The following OSBPL8 variants were observed in gnomAD, a reference collection of about 807,000 sequenced individuals.
OSBPL8 encodes the protein oxysterol-binding protein-related protein 8.
A neutral mutation model predicts 125.5 loss-of-function variants in OSBPL8; 59 were observed. That is an observed-to-expected ratio of 0.47 (90% confidence interval 0.38 to 0.58). OSBPL8 has a LOEUF of 0.58. Ranked by LOEUF, OSBPL8 falls within the 20% of genes least tolerant of loss-of-function variation. OSBPL8 has a pLI of 0.00. For missense variants in OSBPL8, 758 were observed against 1,047.8 expected, an observed-to-expected ratio of 0.72 and a Z score of 3.82; for synonymous variants, 330 against 338.9, an observed-to-expected ratio of 0.97 and a Z score of 0.29.
chr12:76,551,168 C>A (rs950397608), intron 1 of OSBPL8, among the ~76,000 whole-genome samples: 1 of 152,144 alleles, frequency 6.6e-6, no homozygotes, highest in African/African-American at 2.4e-5. Context: ...ATTGGATATA[C>A]AGAAATGAAC....
intron 1 of OSBPL8, among the ~76,000 whole-genome samples, chr12:76,516,878 A>G (rs1460679460): frequency 6.7e-6 from 1 of 149,006 alleles, no homozygotes; most frequent in Non-Finnish European, 1.5e-5. Context: ...GCAGTGGCGC[A>G]GTATCGGCTC....
intron 2 of OSBPL8, among the ~76,000 whole-genome samples, chr12:76,464,971 C>G (rs901894361): frequency 6.6e-6 from 1 of 152,096 alleles, no homozygotes; most frequent in Non-Finnish European, 1.5e-5. Flanking sequence ...TCAGAGAGAG[C>G]TATATAGTGC....
At position 76,459,851 on chromosome 12, in the gene OSBPL8, C is replaced by T; in HGVS notation, c.79+8G>A. 1 of 1,613,754 alleles carries T rather than the reference C, an allele frequency of 6.2e-7. No homozygotes were observed. On this transcript the variant is annotated splice_region_variant and intron_variant, in intron 3 of 23. Transcript: ENST00000261183. ...CCCAAACATGCCGTTCAAGCTTCAGCTACTTACTTGATGGCCCAAGGACAT... is the reference window on the plus strand; with the variant it reads ...CCCAAACATGCCGTTCAAGCTTCAGTTACTTACTTGATGGCCCAAGGACAT...
chr12:76,555,132 CAG>C (rs943904419), intron 1 of OSBPL8, among the ~76,000 whole-genome samples: 7 of 152,144 alleles, frequency 4.6e-5, no homozygotes, highest in Non-Finnish European at 4.4e-5. Flanking sequence ...TCACTAAAAA[CAG>C]AAAATATTTT....
intron 1 of OSBPL8, among the ~76,000 whole-genome samples, chr12:76,502,459 T>C (rs1399302365): frequency 1.3e-5 from 2 of 152,124 alleles, no homozygotes; most frequent in East Asian, 3.9e-4. Flanking sequence ...AGAAGGGGGT[T>C]TACTAGGCTG....
rs140985869 is a variant in OSBPL8 at position 76,527,046 on chromosome 12, G to A, written c.-68+32351C>T. On this transcript the variant is annotated intron_variant, in intron 1 of 23. Coordinates refer to ENST00000261183, the MANE Select transcript of OSBPL8 (RefSeq NM_020841.5). ...AGTTTCCTCATAAGTAAAATTATGA[G>A]GCTAAAATGTCAATTACTGACACTC... Among the ~76,000 whole-genome samples, 805 of 152,032 alleles carry A rather than the reference G, an allele frequency of 5.3e-3. 7 individuals are homozygous for A. The highest frequency in any genetic ancestry group is 0.019 in the African/African-American group (776 of 41,448).
intron 4 of OSBPL8, among the ~76,000 whole-genome samples, chr12:76,420,697 T>C (rs1250561292): frequency 6.6e-6 from 1 of 152,018 alleles, no homozygotes; most frequent in Non-Finnish European, 1.5e-5. Context: ...TAAAAGCAAA[T>C]GCATCTAAAA....
Position 76,450,878 on chromosome 12 carries a change from G to C in OSBPL8, c.190C>G (p.Leu64Val), listed in dbSNP as rs758356423. Residue 64 changes from leucine (L) to valine (V), a missense_variant, in exon 4 of 24, where the codon CTT becomes GTT. Coordinates refer to ENST00000261183, the MANE Select transcript of OSBPL8 (RefSeq NM_020841.5). The stretch of plus-strand genomic sequence containing the variant: ...TGGCTATGAGGACTTGCTGGACTAA[G>C]AGATGGCTGATGCAAATCTTTGGTT... ...TPTKDLHQPS[L>V]SPASPHSQGF... 10 of 1,613,236 alleles carry C rather than the reference G, an allele frequency of 6.2e-6. No individual in the cohort carries two copies. In the East Asian group the frequency reaches 2.2e-4, roughly 36 times the overall value.
At chr12:76,540,999 T>C (rs1950627477) in intron 1 of OSBPL8, among the ~76,000 whole-genome samples, 1 of 152,064 alleles carries the variant, frequency 6.6e-6, no homozygotes, top group Non-Finnish European at 1.5e-5. Context: ...AGCTAGCAAA[T>C]AATCTCAGGG....
chr12:76,553,514 A>AC (rs1181788526), intron 1 of OSBPL8, among the ~76,000 whole-genome samples: 1 of 151,268 alleles, frequency 6.6e-6, no homozygotes, highest in Non-Finnish European at 1.5e-5. Context: ...AAAAAAAAAA[A>AC]ACTTAAAAAT....
chr12:76,366,971 A>G (rs987301238), intron 21 of OSBPL8, among the ~76,000 whole-genome samples: 1 of 152,140 alleles, frequency 6.6e-6, no homozygotes, highest in Non-Finnish European at 1.5e-5. Flanking sequence ...CATATGGTCT[A>G]TCCTGGAGAA....
intron 19 of OSBPL8, among the ~76,000 whole-genome samples, chr12:76,371,011 C>T (rs1262863490): frequency 6.6e-6 from 1 of 152,048 alleles, no homozygotes; most frequent in Non-Finnish European, 1.5e-5. Flanking sequence ...ACTAATAAAT[C>T]CTATAGAAGC....
At chr12:76,385,130 C>T (rs186525178) in intron 14 of OSBPL8, among the ~76,000 whole-genome samples, 5 of 152,264 alleles carry the variant, frequency 3.3e-5, no homozygotes, top group Admixed American at 1.3e-4. Flanking sequence ...GCATTTCAAG[C>T]TTCTTAATTT....
intron 4 of OSBPL8, among the ~76,000 whole-genome samples, chr12:76,416,341 T>C (rs1483299637): frequency 1.3e-5 from 2 of 152,122 alleles, no homozygotes; most frequent in Admixed American, 1.3e-4. Context: ...ATGAGCAATT[T>C]TTATAAATAT....
intron 21 of OSBPL8, among the ~76,000 whole-genome samples, chr12:76,359,746 C>T (rs1952125691): frequency 6.6e-6 from 1 of 152,186 alleles, no homozygotes; most frequent in South Asian, 2.1e-4. Flanking sequence ...AAGTGGAAAC[C>T]TCTGATAAAA....
intron 2 of OSBPL8, among the ~76,000 whole-genome samples, chr12:76,467,815 TA>T (rs1280397424): frequency 6.6e-6 from 1 of 152,040 alleles, no homozygotes; most frequent in Admixed American, 6.6e-5. Context: ...AAAAACATGA[TA>T]AAAACATAGT....
At chr12:76,471,297 C>A (rs980656742) in intron 2 of OSBPL8, among the ~76,000 whole-genome samples, 1 of 152,258 alleles carries the variant, frequency 6.6e-6, no homozygotes, top group South Asian at 2.1e-4. Flanking sequence ...TGTCCAAAAC[C>A]GACTTCATCT....
intron 17 of OSBPL8, among the ~76,000 whole-genome samples, chr12:76,374,857 C>T (rs1443349837): frequency 6.6e-6 from 1 of 152,106 alleles, no homozygotes; most frequent in Non-Finnish European, 1.5e-5. Flanking sequence ...TTTAGAGTAA[C>T]TTATTACACA....
At chr12:76,482,959 T>A (rs1385792549) in intron 2 of OSBPL8, among the ~76,000 whole-genome samples, 1 of 151,970 alleles carries the variant, frequency 6.6e-6, no homozygotes, top group African/African-American at 2.4e-5. Flanking sequence ...AGCAAATGTG[T>A]TTTAAAAATA....
Sources: gnomAD v4.1 joint callset for allele counts (sites outside exome capture counted in the v4.1 genomes callset) on GRCh38, gnomAD v4.1.1 for gene constraint, MANE v1.5 for transcripts, NCBI Gene and HGNC (gene_info 2026-07-23, HGNC 2026-07-21) for gene names.